Variants in EPHA6 observed in about 807,000 individuals in gnomAD.
EPHA6 encodes the protein EPH receptor A6, also known as ephrin type-A receptor 6.
EPHA6 carries 50 observed loss-of-function variants against 112.0 expected under a neutral mutation model. The ratio of observed to expected loss-of-function variants is 0.45; its 90% CI spans 0.36 to 0.56. The LOEUF (loss-of-function observed/expected upper bound fraction) is 0.56, where lower values mean the gene tolerates loss of function less well. EPHA6 is among the 20% of genes least tolerant of loss of function. The pLI is 0.00. For synonymous variants in EPHA6, 529 were observed against 490.7 expected (o/e 1.08, Z -1.03); for missense variants, 1,280 against 1,417.4 (o/e 0.90, Z 1.56).
intron 5 of EPHA6, among the ~76,000 whole-genome samples, chr3:97,328,525 A>G (rs1334114761): frequency 6.6e-6 from 1 of 151,720 alleles, no homozygotes; most frequent in East Asian, 1.9e-4. Context: ...TATTCTTTTC[A>G]CATTCTCTAA....
chr3:97,558,026 G>T (rs921902958), intron 11 of EPHA6, among the ~76,000 whole-genome samples: 3 of 151,826 alleles, frequency 2.0e-5, no homozygotes, highest in African/African-American at 7.3e-5. Flanking sequence ...CAAGATGGAG[G>T]GTTCCCTAAG....
chr3:97,367,996 A>T (rs2084834930), intron 5 of EPHA6, among the ~76,000 whole-genome samples: 1 of 152,250 alleles, frequency 6.6e-6, no homozygotes, highest in Non-Finnish European at 1.5e-5. Flanking sequence ...CATGCTTCTT[A>T]AATAATTCAT....
intron 11 of EPHA6, among the ~76,000 whole-genome samples, chr3:97,559,968 T>C (rs905531701): frequency 7.9e-5 from 12 of 151,674 alleles, no homozygotes; most frequent in African/African-American, 2.7e-4. Context: ...AAATTCTATT[T>C]GATGTTCTCA....
Position 96,951,843 on chromosome 3 carries a change from G to A in EPHA6, c.451-35487G>A, listed in dbSNP as rs1406411469. ...TTATTTATGCAAACTGAATATCTTA[G>A]GTCATATATTATAGCAGTTGAGAGA... On this transcript the variant is annotated intron_variant, in intron 2 of 17. Coordinates refer to ENST00000389672, the MANE Select transcript of EPHA6 (RefSeq NM_001080448.3). Among the ~76,000 whole-genome samples the A allele has an allele frequency of 3.9e-5, 6 of 151,954 alleles. No homozygotes were observed. The East Asian group carries it at 1.2e-3, about 29-fold the overall frequency.
chr3:97,197,912 C>T (rs918925833), intron 3 of EPHA6, among the ~76,000 whole-genome samples: 3 of 152,040 alleles, frequency 2.0e-5, no homozygotes, highest in African/African-American at 4.8e-5. Flanking sequence ...CTGTGGGCAC[C>T]AGCTGAATTA....
intron 2 of EPHA6, among the ~76,000 whole-genome samples, chr3:96,887,713 C>T (rs2037712510): frequency 6.6e-6 from 1 of 152,100 alleles, no homozygotes; most frequent in Non-Finnish European, 1.5e-5. Context: ...ACCATCAGGT[C>T]AGGGCGGGGC....
At chr3:97,160,576 G>A (rs1259067380) in intron 3 of EPHA6, among the ~76,000 whole-genome samples, 2 of 151,870 alleles carry the variant, frequency 1.3e-5, no homozygotes, top group East Asian at 1.9e-4. Flanking sequence ...CCCCACATCC[G>A]GCCTATCTTT....
chr3:97,589,444 T>C (rs1327731156), intron 11 of EPHA6, among the ~76,000 whole-genome samples: 6 of 152,102 alleles, frequency 3.9e-5, no homozygotes, highest in Admixed American at 3.9e-4. Context: ...ACCTATTAAC[T>C]AGCAACTTTT....
chr3:97,427,880 A>C (rs1288921722), intron 6 of EPHA6, among the ~76,000 whole-genome samples: 2 of 150,526 alleles, frequency 1.3e-5, no homozygotes, highest in Non-Finnish European at 3.0e-5. Context: ...ACTATGCATG[A>C]CACAAGGAAG....
At chr3:97,280,093 A>G (rs192180196) in intron 5 of EPHA6, among the ~76,000 whole-genome samples, 132 of 152,330 alleles carry the variant, frequency 8.7e-4, no homozygotes, top group African/African-American at 3.1e-3. Flanking sequence ...GCCATGTGGC[A>G]TACTTGTCTC....
At chr3:97,606,159 G>A (rs1372028391) in intron 12 of EPHA6, 1 of 151,356 alleles carries the variant, frequency 6.6e-6, no homozygotes, top group Non-Finnish European at 1.5e-5. Flanking sequence ...ATTATTTCTA[G>A]TGCCCTTCCT....
intron 3 of EPHA6, among the ~76,000 whole-genome samples, chr3:97,014,064 C>T (rs1235428009): frequency 6.6e-6 from 1 of 151,962 alleles, no homozygotes; most frequent in Non-Finnish European, 1.5e-5. Flanking sequence ...TATATTTGAA[C>T]TTTCTTATAC....
At chr3:97,473,852 TC>T (rs1032797715) in intron 7 of EPHA6, among the ~76,000 whole-genome samples, 22 of 151,992 alleles carry the variant, frequency 1.4e-4, no homozygotes, top group African/African-American at 4.8e-4. Flanking sequence ...TTAACTTGTC[TC>T]TGCACAGATT....
intron 12 of EPHA6, among the ~76,000 whole-genome samples, chr3:97,599,543 T>G (rs1315732391): frequency 3.3e-5 from 5 of 150,526 alleles, no homozygotes; most frequent in African/African-American, 1.2e-4. Context: ...CCATTTCTTG[T>G]TTTTCTCAGG....
chr3:97,163,017 T>C (rs564068757), intron 3 of EPHA6, among the ~76,000 whole-genome samples: 3 of 152,132 alleles, frequency 2.0e-5, no homozygotes, highest in Non-Finnish European at 4.4e-5. Flanking sequence ...AACTGATTAC[T>C]TCCATTGCAT....
chr3:97,337,206 C>A (rs1351555862), intron 5 of EPHA6, among the ~76,000 whole-genome samples: 1 of 152,076 alleles, frequency 6.6e-6, no homozygotes, highest in Non-Finnish European at 1.5e-5. Flanking sequence ...CCACTTTTAC[C>A]AGCAGGTGTT....
intron 1 of EPHA6, among the ~76,000 whole-genome samples, chr3:96,825,274 T>G (rs1236024431): frequency 6.6e-6 from 1 of 151,832 alleles, no homozygotes; most frequent in Non-Finnish European, 1.5e-5. Context: ...GCTTTTTTTT[T>G]TAAAGCTTTA....
At chr3:97,366,384 A>G (rs953370941) in intron 5 of EPHA6, among the ~76,000 whole-genome samples, 7 of 151,458 alleles carry the variant, frequency 4.6e-5, no homozygotes, top group African/African-American at 1.7e-4. Context: ...GCCCTAAGTC[A>G]ATCCAGAAGG....
intron 3 of EPHA6, among the ~76,000 whole-genome samples, chr3:97,116,390 A>G (rs2047887970): frequency 6.6e-6 from 1 of 151,612 alleles, no homozygotes; most frequent in Non-Finnish European, 1.5e-5. Context: ...ACTCTAAGCA[A>G]TTTTCAGGTA....
Sources: allele counts gnomAD v4.1 joint callset (sites outside exome capture counted in the v4.1 genomes callset), GRCh38; gene constraint gnomAD v4.1.1; transcripts MANE v1.5; gene names NCBI Gene and HGNC (gene_info 2026-07-23, HGNC 2026-07-21).